SPOCK1: variants seen among roughly 807,000 people sequenced by gnomAD.
The protein encoded by SPOCK1 is testican-1.
Under a neutral mutation model 55.3 loss-of-function variants are expected in SPOCK1, and 23 were observed. The observed-to-expected ratio is 0.42, with a 90% confidence interval of 0.30 to 0.59. The LOEUF (loss-of-function observed/expected upper bound fraction) is 0.59. SPOCK1 is among the 20% of genes least tolerant of loss of function. The pLI is 0.22. For synonymous variants in SPOCK1, 226 were observed against 221.0 expected (o/e 1.02, Z -0.20); for missense variants, 499 against 552.5 (o/e 0.90, Z 0.97).
intron 2 of SPOCK1, among the ~76,000 whole-genome samples, chr5:137,325,626 C>G (rs977359883): frequency 6.6e-6 from 1 of 152,210 alleles, no homozygotes; most frequent in Middle Eastern, 3.2e-3. Flanking sequence ...TAGCACTGCT[C>G]TCAGTGCTGG....
intron 6 of SPOCK1, among the ~76,000 whole-genome samples, chr5:137,050,626 A>G (rs1752188237): frequency 3.3e-5 from 5 of 152,094 alleles, no homozygotes; most frequent in Admixed American, 2.6e-4. Context: ...TGGGAGCTGT[A>G]GACCGGAGCT....
chr5:137,120,844 C>G (rs1279943152), intron 4 of SPOCK1, among the ~76,000 whole-genome samples: 1 of 152,166 alleles, frequency 6.6e-6, no homozygotes, highest in African/African-American at 2.4e-5. Context: ...TACAGCAATG[C>G]TTAAAGAAAC....
intron 8 of SPOCK1, among the ~76,000 whole-genome samples, chr5:136,986,672 C>A (rs1316321951): frequency 6.6e-6 from 1 of 151,964 alleles, no homozygotes; most frequent in Non-Finnish European, 1.5e-5. Context: ...AATGTTGAAA[C>A]CACCAGGGAG....
At chr5:137,163,345 C>T (rs1754593272) in intron 3 of SPOCK1, among the ~76,000 whole-genome samples, 1 of 152,178 alleles carries the variant, frequency 6.6e-6, no homozygotes, top group South Asian at 2.1e-4. Flanking sequence ...CAAAGATAAA[C>T]AGAAGTCTAA....
At chr5:137,004,469 G>A (rs111769237) in intron 6 of SPOCK1, among the ~76,000 whole-genome samples, 7,492 of 152,208 alleles carry the variant, frequency 0.049, 246 homozygotes, top group Non-Finnish European at 0.076. Context: ...GGCATGAAAA[G>A]TAGCTGGCAT....
intron 2 of SPOCK1, among the ~76,000 whole-genome samples, chr5:137,267,513 A>G (rs1756883321): frequency 6.6e-6 from 1 of 152,208 alleles, no homozygotes; most frequent in African/African-American, 2.4e-5. Context: ...CAATACTCAC[A>G]AAACCTAAAA....
intron 5 of SPOCK1, among the ~76,000 whole-genome samples, chr5:137,100,366 G>A (rs1402922711): frequency 1.3e-5 from 2 of 152,164 alleles, no homozygotes; most frequent in Non-Finnish European, 2.9e-5. Context: ...GAGTTGGGTT[G>A]TGCATTGGTT....
chr5:137,135,568 A>C (rs951907613), intron 4 of SPOCK1, among the ~76,000 whole-genome samples: 4 of 152,204 alleles, frequency 2.6e-5, no homozygotes, highest in Admixed American at 2.6e-4. Flanking sequence ...GGCATCTAAG[A>C]CCAGAGTGTG....
At chr5:137,490,994 A>C (rs1407700488) in intron 2 of SPOCK1, among the ~76,000 whole-genome samples, 1 of 152,230 alleles carries the variant, frequency 6.6e-6, no homozygotes, top group African/African-American at 2.4e-5. Flanking sequence ...AAGCCAGACA[A>C]GAAGCTCCCT....
intron 2 of SPOCK1, among the ~76,000 whole-genome samples, chr5:137,425,405 C>A (rs1752586932): frequency 6.6e-6 from 1 of 152,064 alleles, no homozygotes; most frequent in African/African-American, 2.4e-5. Flanking sequence ...ACATCCTCCA[C>A]AACCTGCCCT....
intron 3 of SPOCK1, among the ~76,000 whole-genome samples, chr5:137,239,913 G>T (rs538699098): frequency 2.0e-4 from 31 of 152,010 alleles, no homozygotes; most frequent in Non-Finnish European, 4.3e-4. Context: ...AAGTCTAAAA[G>T]AATAAGCTAA....
intron 3 of SPOCK1, among the ~76,000 whole-genome samples, chr5:137,220,737 GC>G (rs1330225406): frequency 2.0e-5 from 3 of 152,224 alleles, no homozygotes; most frequent in Admixed American, 1.3e-4. Flanking sequence ...CAGGCACTGA[GC>G]AAATGGTCAC....
At chr5:136,985,074 G>C in intron 9 of SPOCK1, 66 bp downstream of exon 9, 2 of 1,461,556 alleles carry the variant, frequency 1.4e-6, no homozygotes, top group East Asian at 2.3e-5. Flanking sequence ...TTGCCATGCT[G>C]ATCATTACAA....
intron 2 of SPOCK1, among the ~76,000 whole-genome samples, chr5:137,286,467 A>C (rs940392068): frequency 2.0e-5 from 3 of 152,194 alleles, no homozygotes; most frequent in Non-Finnish European, 4.4e-5. Context: ...CTGAAATCCC[A>C]TCTGCACTGC....
In SPOCK1 at chr5:136,980,605, C is replaced by G. The variant is rs140577489; in HGVS notation, c.992-1136G>C. Among the ~76,000 whole-genome samples, 489 of 152,300 alleles carry G rather than the reference C, an allele frequency of 3.2e-3. 5 individuals are homozygous for G. The highest frequency in any genetic ancestry group is 0.011 in the African/African-American group (468 of 41,572). On this transcript the variant is annotated intron_variant, in intron 9 of 10. Coordinates refer to ENST00000394945, the MANE Select transcript of SPOCK1 (RefSeq NM_004598.4). ...TTGTAAAGGGCAGTTCCTCTGCACA[C>G]GCTCTCTTGCCTTCCGCCATGATTG...
chr5:137,402,824 C>T (rs1752010960), intron 2 of SPOCK1, among the ~76,000 whole-genome samples: 1 of 152,210 alleles, frequency 6.6e-6, no homozygotes, highest in African/African-American at 2.4e-5. Context: ...GGATCCTACA[C>T]AGTGCAGATG....
intron 2 of SPOCK1, among the ~76,000 whole-genome samples, chr5:137,332,112 C>T (rs1758198594): frequency 6.6e-6 from 1 of 152,104 alleles, no homozygotes; most frequent in Admixed American, 6.5e-5. Context: ...TCTGGCCCTG[C>T]CTAGGCTCCC....
intron 2 of SPOCK1, among the ~76,000 whole-genome samples, chr5:137,477,639 G>C (rs911520660): frequency 6.6e-6 from 1 of 152,186 alleles, no homozygotes; most frequent in African/African-American, 2.4e-5. Flanking sequence ...AGAGCAGCTA[G>C]AGTAGGTCAA....
At chr5:137,290,753 A>G (rs1757356313) in intron 2 of SPOCK1, among the ~76,000 whole-genome samples, 1 of 152,246 alleles carries the variant, frequency 6.6e-6, no homozygotes, top group Non-Finnish European at 1.5e-5. Context: ...TTCATATGGC[A>G]GAACGGACAG....
Sources: allele counts gnomAD v4.1 joint callset (sites outside exome capture counted in the v4.1 genomes callset), GRCh38; gene constraint gnomAD v4.1.1; transcripts MANE v1.5; gene names NCBI Gene and HGNC (gene_info 2026-07-23, HGNC 2026-07-21).